LYPD6B: variants seen among roughly 807,000 people sequenced by gnomAD.
LYPD6B encodes LY6/PLAUR domain containing 6B.
Under a neutral mutation model 22.8 loss-of-function variants are expected in LYPD6B, and 17 were observed. That is an observed-to-expected ratio of 0.75 (90% confidence interval 0.51 to 1.12). LYPD6B has a LOEUF of 1.12. LYPD6B is among the 50% of genes most tolerant of loss of function. The pLI is 0.00. For synonymous variants in LYPD6B, 106 were observed against 91.6 expected (o/e 1.16, Z -0.90); for missense variants, 221 against 258.3 (o/e 0.86, Z 0.99).
In LYPD6B at chr2:149,214,595, C is replaced by T. The variant is rs955256263; in HGVS notation, c.509C>T (p.Thr170Ile). The T allele has an allele frequency of 6.2e-7, 1 of 1,613,794 alleles. No individual in the cohort carries two copies. The highest frequency in any genetic ancestry group is 1.3e-5 in the African/African-American group (1 of 74,894). ...EGMICNVELP[T>I]NHTNAVFAVM... ...ATGATCTGCAATGTAGAATTACCCACCAATCACACTAATGCAGTGTTTGCC... is the reference window on the plus strand; with the variant it reads ...ATGATCTGCAATGTAGAATTACCCATCAATCACACTAATGCAGTGTTTGCC... Residue 170 changes from threonine to isoleucine, a missense_variant, in exon 7 of 7, where the codon ACC (threonine) becomes ATC (isoleucine). By Grantham distance (89) the Thr-to-Ile change is moderately conservative. Coordinates refer to ENST00000409642, the MANE Select transcript of LYPD6B (RefSeq NM_177964.5).
At chr2:149,196,957 A>G (rs1010430743) in intron 3 of LYPD6B, among the ~76,000 whole-genome samples, 2 of 152,182 alleles carry the variant, frequency 1.3e-5, no homozygotes, top group African/African-American at 2.4e-5. Context: ...CCACTCAACC[A>G]ATGTCGAGTA....
chr2:149,171,756 A>C (rs2105931394), intron 3 of LYPD6B, among the ~76,000 whole-genome samples: 1 of 152,274 alleles, frequency 6.6e-6, no homozygotes. Flanking sequence ...TATGCTGCTG[A>C]AGATGTTCTG....
At chr2:149,145,303 C>T (rs572729906) in intron 2 of LYPD6B, among the ~76,000 whole-genome samples, 9 of 152,202 alleles carry the variant, frequency 5.9e-5, no homozygotes, top group East Asian at 1.9e-4. Context: ...TGTGCTTGGA[C>T]GATACATGCA....
chr2:149,134,444 T>A (rs1688232154), intron 2 of LYPD6B, among the ~76,000 whole-genome samples: 1 of 152,202 alleles, frequency 6.6e-6, no homozygotes, highest in Non-Finnish European at 1.5e-5. Flanking sequence ...CCTACTAAAC[T>A]CTTTATCGCT....
At chr2:149,095,749 G>C (rs964278218) in intron 1 of LYPD6B, among the ~76,000 whole-genome samples, 4 of 151,930 alleles carry the variant, frequency 2.6e-5, no homozygotes, top group African/African-American at 9.7e-5. Flanking sequence ...TGGAAGGAGG[G>C]AGAGAGAGAA....
chr2:149,052,670 C>T (rs116699713), intron 1 of LYPD6B, among the ~76,000 whole-genome samples: 4,341 of 152,276 alleles, frequency 0.029, 88 homozygotes, highest in Non-Finnish European at 0.043. Context: ...TGAACACCAG[C>T]CCCACTGCTG....
intron 1 of LYPD6B, among the ~76,000 whole-genome samples, chr2:149,106,183 A>G (rs1472227415): frequency 6.6e-6 from 1 of 152,076 alleles, no homozygotes; most frequent in East Asian, 1.9e-4. Context: ...TGTTAGATTC[A>G]ATTTGCAAAA....
chr2:149,189,346 A>ATATATATATATATATATG (rs1575149647), intron 3 of LYPD6B, among the ~76,000 whole-genome samples: 1 of 87,658 alleles, frequency 1.1e-5, no homozygotes, highest in East Asian at 3.6e-4. Flanking sequence ...CCAAAATTAT[A>ATATATATATATATATATG]TATATATATA....
chr2:149,213,045 T>C lies in LYPD6B; in HGVS notation c.382T>C (p.Ser128Pro), dbSNP rs1440610305. Residue 128 changes from serine to proline, a missense_variant, in exon 6 of 7, where the codon TCC becomes CCC. By Grantham distance (74) the Ser-to-Pro change is moderately conservative. Coordinates refer to ENST00000409642, the MANE Select transcript of LYPD6B (RefSeq NM_177964.5). ...CTTCACCAGCCACGGAAGAAGCACA[T>C]CCATCACCAAAAAGTGTGCCTCCAG... ...HHFTSHGRST[S>P]ITKKCASRSE... is the part of the protein sequence containing the mutation. 5.6e-6 allele frequency: 9 copies of C among 1,613,952 alleles called. No individual in the cohort carries two copies. The highest frequency in any genetic ancestry group is 7.6e-6 in the Non-Finnish European group (9 of 1,179,852).
chr2:149,147,094 C>A (rs1021235951), intron 2 of LYPD6B, among the ~76,000 whole-genome samples: 1 of 152,140 alleles, frequency 6.6e-6, no homozygotes, highest in Non-Finnish European at 1.5e-5. Flanking sequence ...TCAGCGGTTC[C>A]CAGAGCGTTG....
At chr2:149,089,869 G>A (rs1200356866) in intron 1 of LYPD6B, among the ~76,000 whole-genome samples, 2 of 152,216 alleles carry the variant, frequency 1.3e-5, no homozygotes, top group Non-Finnish European at 2.9e-5. Flanking sequence ...CTGCTTAATT[G>A]TGCAGAGGCT....
At chr2:149,084,765 A>G (rs965651134) in intron 1 of LYPD6B, among the ~76,000 whole-genome samples, 1 of 152,220 alleles carries the variant, frequency 6.6e-6, no homozygotes, top group African/African-American at 2.4e-5. Context: ...CTGTGGTGTT[A>G]TGTGAGCTGT....
intron 6 of LYPD6B, 121 bp from the exon 7 acceptor site, chr2:149,214,425 A>G (rs892192276): frequency 2.7e-5 from 27 of 1,011,324 alleles, no homozygotes; most frequent in Non-Finnish European, 3.5e-5. Context: ...AAAATTGGAT[A>G]ACCAACTCCA....
In LYPD6B at chr2:149,160,201, G is replaced by A. The variant is rs73010474; in HGVS notation, c.6-563G>A. ...TATAATAGAATTTTCTTAAAATTGGGCATAATTTTTGTCTTTTATATTTGC... is the reference window on the plus strand; with the variant it reads ...TATAATAGAATTTTCTTAAAATTGGACATAATTTTTGTCTTTTATATTTGC... On this transcript the variant is annotated intron_variant, in intron 2 of 6. Transcript: ENST00000409642. 2.7e-3 allele frequency among the ~76,000 whole-genome samples: 416 copies of A among 152,156 alleles called. 5 individuals are homozygous for A. Among genetic ancestry groups the A allele is most frequent in the African/African-American group, 9.6e-3 (399 of 41,500 alleles).
At chr2:149,127,154 A>T (rs1336688096) in intron 1 of LYPD6B, among the ~76,000 whole-genome samples, 1 of 151,562 alleles carries the variant, frequency 6.6e-6, no homozygotes, top group Non-Finnish European at 1.5e-5. Flanking sequence ...GAAATATTTT[A>T]TATATAGTAA....
intron 2 of LYPD6B, among the ~76,000 whole-genome samples, chr2:149,151,007 C>T (rs1337281998): frequency 6.6e-6 from 1 of 151,958 alleles, no homozygotes; most frequent in African/African-American, 2.4e-5. Context: ...AACAATAACC[C>T]GATGACATTT....
At chr2:149,061,570 A>G (rs927383170) in intron 1 of LYPD6B, among the ~76,000 whole-genome samples, 3 of 151,998 alleles carry the variant, frequency 2.0e-5, no homozygotes, top group African/African-American at 7.3e-5. Context: ...CCCAGTTAGT[A>G]TTTATTGGTG....
At chr2:149,071,652 T>A (rs184160693) in intron 1 of LYPD6B, among the ~76,000 whole-genome samples, 2 of 152,338 alleles carry the variant, frequency 1.3e-5, no homozygotes, top group East Asian at 3.9e-4. Flanking sequence ...ACTGTCCTAG[T>A]ACTTTTCTAA....
intron 4 of LYPD6B, among the ~76,000 whole-genome samples, chr2:149,206,872 A>C (rs1481197053): frequency 1.3e-5 from 2 of 152,118 alleles, no homozygotes; most frequent in Non-Finnish European, 2.9e-5. Context: ...TCTACATTTA[A>C]AAAAATCATA....
Sources: allele counts gnomAD v4.1 joint callset (sites outside exome capture counted in the v4.1 genomes callset), GRCh38; gene constraint gnomAD v4.1.1; transcripts MANE v1.5; gene names NCBI Gene and HGNC (gene_info 2026-07-23, HGNC 2026-07-21).